AKT3: variants seen among roughly 807,000 people sequenced by gnomAD.
AKT3 encodes RAC-gamma serine/threonine-protein kinase.
In AKT3, 15 loss-of-function variants were observed where a neutral mutation model predicts 65.3. That is an observed-to-expected ratio of 0.23 (90% confidence interval 0.15 to 0.35). AKT3 has a LOEUF of 0.35. Ranked by LOEUF, AKT3 falls within the 10% of genes least tolerant of loss-of-function variation. The pLI is 1.00. For synonymous variants in AKT3, 206 were observed against 183.8 expected (o/e 1.12, Z -0.98); for missense variants, 243 against 576.5 (o/e 0.42, Z 5.92).
chr1:243,798,830 T>C (rs928588836), intron 2 of AKT3, among the ~76,000 whole-genome samples: 7 of 152,218 alleles, frequency 4.6e-5, no homozygotes, highest in African/African-American at 1.7e-4. Flanking sequence ...CATCAACCCC[T>C]TAACACAGCA....
intron 2 of AKT3, among the ~76,000 whole-genome samples, chr1:243,782,784 G>A (rs1201820370): frequency 2.0e-5 from 3 of 152,016 alleles, no homozygotes; most frequent in Admixed American, 6.6e-5. Flanking sequence ...GGGCACTCAC[G>A]CATGCACACA....
At chr1:243,507,338 A>G (rs1056824082) in intron 13 of AKT3, among the ~76,000 whole-genome samples, 18 of 152,262 alleles carry the variant, frequency 1.2e-4, no homozygotes, top group Admixed American at 3.9e-4. Context: ...CTGTCACTTC[A>G]GTAACACATT....
At chr1:243,843,578 AT>A in intron 1 of AKT3, 2 of 1,016,740 alleles carry the variant, frequency 2.0e-6, no homozygotes, top group Non-Finnish European at 2.4e-6. Context: ...GGTGATGTGT[AT>A]TTGAGGTGAA....
chr1:243,825,300 G>A (rs547122515), intron 2 of AKT3, among the ~76,000 whole-genome samples: 41 of 152,248 alleles, frequency 2.7e-4, no homozygotes, highest in South Asian at 8.3e-4. Flanking sequence ...TGCATGTTGG[G>A]CTTAATACCT....
At chr1:243,806,875 G>C (rs148594032) in intron 2 of AKT3, among the ~76,000 whole-genome samples, 1 of 152,136 alleles carries the variant, frequency 6.6e-6, no homozygotes, top group African/African-American at 2.4e-5. Context: ...TCTTTCAGTG[G>C]TAGTAATGCA....
chr1:243,728,450 C>G (rs1344434490), intron 2 of AKT3, among the ~76,000 whole-genome samples: 1 of 152,162 alleles, frequency 6.6e-6, no homozygotes, highest in Admixed American at 6.5e-5. Context: ...TGATACTATG[C>G]CAGCTGTAAG....
At chr1:243,815,928 T>A (rs1397768194) in intron 2 of AKT3, among the ~76,000 whole-genome samples, 1 of 152,094 alleles carries the variant, frequency 6.6e-6, no homozygotes, top group Non-Finnish European at 1.5e-5. Flanking sequence ...AAAATCTCTA[T>A]TATCTATTGC....
chr1:243,630,820 G>A (rs1341228783), intron 6 of AKT3, among the ~76,000 whole-genome samples: 1 of 151,746 alleles, frequency 6.6e-6, no homozygotes, highest in Non-Finnish European at 1.5e-5. Flanking sequence ...AAAACTGAAC[G>A]CCAATTTGGT....
intron 2 of AKT3, among the ~76,000 whole-genome samples, chr1:243,804,815 C>A (rs1692625479): frequency 6.6e-6 from 1 of 151,494 alleles, no homozygotes; most frequent in Non-Finnish European, 1.5e-5. Flanking sequence ...CCACTGCACT[C>A]CAGCCTGGGT....
At chr1:243,745,156 T>C (rs1428726686) in intron 2 of AKT3, among the ~76,000 whole-genome samples, 1 of 151,842 alleles carries the variant, frequency 6.6e-6, no homozygotes, top group South Asian at 2.1e-4. Flanking sequence ...CTGGGCAATA[T>C]GGTAAGCCCG....
At chr1:243,806,167 C>G (rs1042172879) in intron 2 of AKT3, among the ~76,000 whole-genome samples, 1 of 152,200 alleles carries the variant, frequency 6.6e-6, no homozygotes, top group Non-Finnish European at 1.5e-5. Context: ...AACATGACTT[C>G]CTAGTTCTCC....
intron 13 of AKT3, among the ~76,000 whole-genome samples, chr1:243,491,821 G>C (rs1666489438): frequency 6.6e-6 from 1 of 152,196 alleles, no homozygotes; most frequent in Admixed American, 6.5e-5. Flanking sequence ...GGGCAGCTGA[G>C]GGTTAGAGCT....
At chr1:243,627,531 A>T (rs1345673801) in intron 6 of AKT3, among the ~76,000 whole-genome samples, 1 of 152,224 alleles carries the variant, frequency 6.6e-6, no homozygotes, top group East Asian at 1.9e-4. Flanking sequence ...GACTTGATAC[A>T]GGTCCAGAAT....
intron 2 of AKT3, among the ~76,000 whole-genome samples, chr1:243,716,488 T>C (rs1287462481): frequency 4.6e-5 from 7 of 152,180 alleles, no homozygotes; most frequent in Non-Finnish European, 1.0e-4. Context: ...AATAATGCAG[T>C]GGTCTATTGA....
chr1:243,527,886 C>G (rs1404306075), intron 12 of AKT3, among the ~76,000 whole-genome samples: 2 of 67,474 alleles, frequency 3.0e-5, no homozygotes, highest in Non-Finnish European at 5.4e-5. Context: ...CACACACACA[C>G]ACACACACAC....
chr1:243,783,410 C>T (rs1167450829), intron 2 of AKT3, among the ~76,000 whole-genome samples: 1 of 152,208 alleles, frequency 6.6e-6, no homozygotes, highest in African/African-American at 2.4e-5. Flanking sequence ...GTGGCATACC[C>T]TAACTCCACA....
At chr1:243,734,343 G>A (rs184495443) in intron 2 of AKT3, among the ~76,000 whole-genome samples, 84 of 152,302 alleles carry the variant, frequency 5.5e-4, no homozygotes, top group East Asian at 5.8e-4. Context: ...CTCCATTACA[G>A]TCATGCATTG....
At chr1:243,493,502 G>A (rs1365336235) in intron 13 of AKT3, among the ~76,000 whole-genome samples, 1 of 152,092 alleles carries the variant, frequency 6.6e-6, no homozygotes, top group Non-Finnish European at 1.5e-5. Flanking sequence ...AATGAATACG[G>A]TTTTGGCTGA....
intron 6 of AKT3, among the ~76,000 whole-genome samples, chr1:243,621,096 C>T (rs993632018): frequency 1.3e-5 from 2 of 152,080 alleles, no homozygotes; most frequent in African/African-American, 4.8e-5. Context: ...CAAATCTTTC[C>T]CAGGCCTTCT....
Sources: gnomAD v4.1 joint callset for allele counts (sites outside exome capture counted in the v4.1 genomes callset) on GRCh38, gnomAD v4.1.1 for gene constraint, MANE v1.5 for transcripts, NCBI Gene and HGNC (gene_info 2026-07-23, HGNC 2026-07-21) for gene names.